The following MYO9A variants were observed in gnomAD, a reference collection of about 807,000 sequenced individuals.
The protein encoded by MYO9A is unconventional myosin-IXa.
In MYO9A, 103 loss-of-function variants were observed where a neutral mutation model predicts 293.3. The ratio of observed to expected loss-of-function variants is 0.35; its 90% CI spans 0.30 to 0.41. The LOEUF (loss-of-function observed/expected upper bound fraction) is 0.41, where lower values mean the gene tolerates loss of function less well. Among genes scored for constraint, MYO9A ranks in the 10% least tolerant of loss-of-function variants. MYO9A has a pLI of 1.00. For missense variants in MYO9A, 2,685 were observed against 3,033.0 expected, an observed-to-expected ratio of 0.89 and a Z score of 2.69; for synonymous variants, 1,001 against 1,035.7, an observed-to-expected ratio of 0.97 and a Z score of 0.64.
Position 71,852,144 on chromosome 15 carries a change from G to T in MYO9A, c.6463C>A (p.Leu2155Ile). The T allele has an allele frequency of 6.2e-7, 1 of 1,611,842 alleles. No individual in the cohort carries two copies. Among genetic ancestry groups the T allele is most frequent in the Non-Finnish European group, 8.5e-7 (1 of 1,178,594 alleles). Residue 2155 changes from leucine to isoleucine, a missense_variant, in exon 36 of 42, where the codon CTT becomes ATT. This residue lies in a region of MYO9A where 238 missense variants were observed against 269.1 expected (regional missense o/e 0.88). Transcript: ENST00000356056. The part of the protein sequence containing the change: ...LMTFELYEEF[L>I]RAMGLQERKE... Reference sequence around the variant, plus strand: ...AGCCTATGCTTACCCATAGCTCGAAGAAATTCCTCATAGAGTTCAAAGGTC... The same window carrying T: ...AGCCTATGCTTACCCATAGCTCGAATAAATTCCTCATAGAGTTCAAAGGTC...
chr15:72,049,917 T>C lies in MYO9A; in HGVS notation c.-71-3283A>G, dbSNP rs1177683605. ...AACTACAATCTAATCCCTAAAGTTG[T>C]ATAATATGGCAGCCCTGGAAGTAAA... On this transcript the variant is annotated intron_variant, in intron 1 of 41. Transcript: ENST00000356056. 2.0e-5 allele frequency among the ~76,000 whole-genome samples: 3 copies of C among 152,202 alleles called. No homozygotes were observed. In the East Asian group the frequency reaches 5.8e-4, roughly 29 times the overall value.
At chr15:71,997,673 A>G (rs1160316146) in intron 9 of MYO9A, among the ~76,000 whole-genome samples, 1 of 152,158 alleles carries the variant, frequency 6.6e-6, no homozygotes, top group Admixed American at 6.6e-5. Context: ...TCAGAAGGTT[A>G]CATTCAAAGT....
intron 13 of MYO9A, among the ~76,000 whole-genome samples, chr15:71,964,717 G>A (rs1356718292): frequency 6.6e-6 from 1 of 152,012 alleles, no homozygotes; most frequent in Non-Finnish European, 1.5e-5. Context: ...AACCCGGGAG[G>A]CAGAGGTTGC....
intron 39 of MYO9A, among the ~76,000 whole-genome samples, chr15:71,841,832 A>G (rs1247103947): frequency 2.2e-5 from 3 of 136,292 alleles, no homozygotes; most frequent in African/African-American, 9.3e-5. Context: ...TTTTTTGTAG[A>G]GACGGGGTTT....
chr15:72,075,735 G>C (rs927050181), intron 1 of MYO9A, among the ~76,000 whole-genome samples: 1 of 151,424 alleles, frequency 6.6e-6, no homozygotes, highest in Admixed American at 6.6e-5. Flanking sequence ...GACCAGCCTG[G>C]GCAACATAGC....
At chr15:72,050,647 A>T (rs558653116) in intron 1 of MYO9A, among the ~76,000 whole-genome samples, 8 of 151,802 alleles carry the variant, frequency 5.3e-5, no homozygotes, top group African/African-American at 1.2e-4. Flanking sequence ...AACAAACAAA[A>T]TTTTTTTTTA....
Position 71,826,586 on chromosome 15 carries a change from C to A in MYO9A, c.7641G>T (p.Met2547Ile). The part of the protein sequence containing the change: ...QLALFGNNEF[M>I]V ...GGGACACACATCTGCCGGTTCAGAC[C>A]ATAAATTCATTATTTCCAAAGAGTG... is the stretch of plus-strand genomic sequence containing the variant. Residue 2547 changes from methionine (M) to isoleucine (I), a missense_variant, in exon 42 of 42, where the codon ATG becomes ATT. By Grantham distance (10) the Met-to-Ile change is conservative. Coordinates refer to ENST00000356056, the MANE Select transcript of MYO9A (RefSeq NM_006901.4). 1 of 1,589,750 alleles carries A rather than the reference C, an allele frequency of 6.3e-7. No individual in the cohort carries two copies. The highest frequency in any genetic ancestry group is 8.5e-7 in the Non-Finnish European group (1 of 1,171,524).
chr15:71,851,444 G>T, intron 36 of MYO9A, 86 bp from the exon 37 acceptor site: 3 of 1,051,082 alleles, frequency 2.9e-6, no homozygotes, highest in Non-Finnish European at 4.1e-6. Flanking sequence ...AGCAAAGAAG[G>T]CTGGCTACAG....
At chr15:71,833,032 G>A (rs2054792077) in intron 39 of MYO9A, among the ~76,000 whole-genome samples, 1 of 151,550 alleles carries the variant, frequency 6.6e-6, no homozygotes, top group Admixed American at 6.6e-5. Context: ...TAAAAAAGTA[G>A]TAAAAAAATG....
intron 2 of MYO9A, among the ~76,000 whole-genome samples, chr15:72,039,503 A>C (rs2078161153): frequency 6.6e-6 from 1 of 152,136 alleles, no homozygotes; most frequent in Non-Finnish European, 1.5e-5. Context: ...AAATATTTAC[A>C]AACTAAACAC....
intron 19 of MYO9A, among the ~76,000 whole-genome samples, chr15:71,915,016 G>T (rs1344819190): frequency 1.3e-5 from 2 of 152,036 alleles, no homozygotes; most frequent in African/African-American, 4.8e-5. Context: ...GCTCACCAAA[G>T]TACTTTTTGA....
chr15:71,880,459 T>G lies in MYO9A; in HGVS notation c.5498A>C (p.Lys1833Thr). The change falls in exon 29 of 42, where the codon AAG (lysine) becomes ACG (threonine). Residue 1833 changes from lysine to threonine, a missense_variant. By Grantham distance (78) the Lys-to-Thr change is moderately conservative (BLOSUM62 -1). Transcript: ENST00000356056. ...GCTAATCTTCACACTTCGCTTGCGC[T>G]TAGCCTTTGGAGAAGGTTCTTTGTT... ...KENKEPSPKA[K>T]RKRSVKISNV... The G allele has an allele frequency of 6.2e-7, 1 of 1,614,234 alleles. No individual in the cohort carries two copies. Among genetic ancestry groups the G allele is most frequent in the Non-Finnish European group, 8.5e-7 (1 of 1,180,018 alleles).
At chr15:71,995,504 A>C (rs1214146122) in intron 9 of MYO9A, among the ~76,000 whole-genome samples, 2 of 152,014 alleles carry the variant, frequency 1.3e-5, no homozygotes, top group Non-Finnish European at 2.9e-5. Context: ...TTTTCCTGTA[A>C]GTCTGAAATT....
At chr15:71,904,360 A>G (rs576573169) in intron 20 of MYO9A, among the ~76,000 whole-genome samples, 3 of 152,340 alleles carry the variant, frequency 2.0e-5, no homozygotes, top group East Asian at 1.9e-4. Context: ...ATCTGTAACA[A>G]GATAACCTAC....
chr15:71,915,046 G>A (rs547176846), intron 19 of MYO9A, among the ~76,000 whole-genome samples: 4 of 152,196 alleles, frequency 2.6e-5, no homozygotes, highest in African/African-American at 9.6e-5. Flanking sequence ...GGCTTCCCAT[G>A]TGGATTTGCT....
intron 39 of MYO9A, among the ~76,000 whole-genome samples, chr15:71,848,482 A>G (rs973759376): frequency 1.3e-5 from 2 of 152,180 alleles, no homozygotes; most frequent in African/African-American, 4.8e-5. Context: ...AGGACCACCA[A>G]AAGTGACACG....
At chr15:72,117,639 G>A (rs1407164412) in intron 1 of MYO9A, 41 bp downstream of exon 1, 2 of 395,544 alleles carry the variant, frequency 5.1e-6, no homozygotes, top group Non-Finnish European at 8.9e-6. Context: ...ACGTGGGCCA[G>A]GACGGGCTGC....
chr15:71,835,362 T>C (rs775409638), intron 39 of MYO9A, among the ~76,000 whole-genome samples: 1 of 152,176 alleles, frequency 6.6e-6, no homozygotes, highest in Non-Finnish European at 1.5e-5. Context: ...TCATTATTCA[T>C]GAATGATATG....
chr15:72,091,473 G>C (rs1391476639), intron 1 of MYO9A, among the ~76,000 whole-genome samples: 1 of 152,030 alleles, frequency 6.6e-6, no homozygotes, highest in African/African-American at 2.4e-5. Flanking sequence ...TCATATATGG[G>C]AAAGAATACG....
Sources: gnomAD v4.1 joint callset for allele counts (sites outside exome capture counted in the v4.1 genomes callset) on GRCh38, gnomAD v4.1.1 for gene constraint, gnomAD v4.1.1 regional missense constraint, MANE v1.5 for transcripts, NCBI Gene and HGNC (gene_info 2026-07-23, HGNC 2026-07-21) for gene names.